PLBD1: variants seen among roughly 807,000 people sequenced by gnomAD.
PLBD1 encodes phospholipase B domain containing 1.
A neutral mutation model predicts 63.0 loss-of-function variants in PLBD1; 60 were observed. The observed-to-expected ratio is 0.95, with a 90% CI of 0.77 to 1.18. The LOEUF (loss-of-function observed/expected upper bound fraction) is 1.18. PLBD1 is among the 50% of genes most tolerant of loss of function. PLBD1 has a pLI of 0.00. For missense variants in PLBD1, 598 were observed against 677.9 expected (o/e 0.88, Z 1.31); for synonymous variants, 262 against 248.0 (o/e 1.06, Z -0.53).
chr12:14,523,469 A>G (rs767253403), intron 6 of PLBD1, among the ~76,000 whole-genome samples: 3 of 133,612 alleles, frequency 2.2e-5, no homozygotes, highest in African/African-American at 5.0e-5. Context: ...TCATAGAAAG[A>G]GAAAAAAATC....
At chr12:14,545,553 T>C (rs1945610624) in intron 2 of PLBD1, among the ~76,000 whole-genome samples, 1 of 152,238 alleles carries the variant, frequency 6.6e-6, no homozygotes, top group African/African-American at 2.4e-5. Context: ...GGACTGAATA[T>C]TTACCTACAG....
chr12:14,531,772 A>C (rs1259817384), intron 6 of PLBD1, among the ~76,000 whole-genome samples: 1 of 152,158 alleles, frequency 6.6e-6, no homozygotes, highest in Non-Finnish European at 1.5e-5. Context: ...CTGGGATTAC[A>C]GGCATGAGCT....
At chr12:14,533,011 T>TTCCCTGG (rs1326270451) in intron 6 of PLBD1, 2 of 152,240 alleles carry the variant, frequency 1.3e-5, no homozygotes, top group African/African-American at 4.8e-5. Context: ...GGGTATTGCA[T>TTCCCTGG]GTTAGCCTCT....
Position 14,516,784 on chromosome 12 carries a change from A to C in PLBD1, c.845-5073T>G, listed in dbSNP as rs1945340355. Among the ~76,000 whole-genome samples, 5 of 152,110 alleles carry C rather than the reference A, an allele frequency of 3.3e-5. No homozygotes were observed. In the South Asian group the frequency reaches 1.0e-3, roughly 31 times the overall value. ...CCAGGCAAGGTGGCTTATGCCTGTA[A>C]TCCCAGTACTTTGGCAGGCAGAGGA... On this transcript the variant is annotated intron_variant, in intron 6 of 10. Transcript: ENST00000240617.
intron 1 of PLBD1, chr12:14,553,624 G>A: frequency 1.7e-6 from 1 of 594,240 alleles, no homozygotes; most frequent in Non-Finnish European, 3.0e-6. Context: ...CAAAGAGCAA[G>A]GTCAAAGGTG....
At chr12:14,552,762 T>C (rs1472188078) in intron 2 of PLBD1, among the ~76,000 whole-genome samples, 1 of 151,990 alleles carries the variant, frequency 6.6e-6, no homozygotes, top group Non-Finnish European at 1.5e-5. Context: ...TAAAACAAAA[T>C]GGTTTCATGG....
rs1414733819 is a variant in PLBD1 at position 14,567,610 on chromosome 12, T to C, written c.87A>G (p.Leu29=). 1.2e-5 allele frequency: 18 copies of C among 1,487,696 alleles called. No individual in the cohort carries two copies. The highest frequency in any genetic ancestry group is 3.9e-4 in the Middle Eastern group (2 of 5,148). The allele number at this position is 1,487,696 out of a possible 1,614,324, so 92.2% of individuals were successfully genotyped here. The change falls in exon 1 of 11, where the codon TTA becomes TTG. Residue 29 remains leucine, a synonymous_variant. Transcript: ENST00000240617. ...CAGGTTTCGGCGGCTCCGCGGTGACTAACAACAGCGGCAGCAGCAGCAGCA... is the reference window on the plus strand; with the variant it reads ...CAGGTTTCGGCGGCTCCGCGGTGACCAACAACAGCGGCAGCAGCAGCAGCA... ...LLLLLLLPLL[L]VTAEPPKPAG...
At chr12:14,559,658 G>T (rs763482193) in intron 1 of PLBD1, among the ~76,000 whole-genome samples, 2 of 152,058 alleles carry the variant, frequency 1.3e-5, no homozygotes, top group Non-Finnish European at 2.9e-5. Context: ...CATTTTAACA[G>T]CAATATCCTC....
chr12:14,504,013 C>T (rs1945227642), intron 10 of PLBD1, 59 bp from the exon 11 acceptor site: 2 of 1,484,848 alleles, frequency 1.3e-6, no homozygotes, highest in East Asian at 2.3e-5. Context: ...AAAATTAAAT[C>T]CATGGCCTTC....
At chr12:14,516,283 C>T (rs1182614842) in intron 6 of PLBD1, among the ~76,000 whole-genome samples, 10 of 152,068 alleles carry the variant, frequency 6.6e-5, no homozygotes, top group Admixed American at 1.3e-4. Context: ...GAGCCGAGAT[C>T]GCGCCATTGC....
rs202168556 is a variant in PLBD1, at chr12:14,511,243, C to T, written c.1186+17G>A. 77 of 1,411,624 alleles carry T rather than the reference C, an allele frequency of 5.5e-5. 2 individuals are homozygous for T. The South Asian group carries it at 7.9e-4, about 15-fold the overall frequency. 87.4% of individuals were successfully genotyped at this position (1,411,624 alleles called of 1,614,324 possible). On this transcript the variant is annotated intron_variant, in intron 8 of 10. Transcript: ENST00000240617. ...CATACTCATCAGGTTTTAAGACTTA[C>T]GACATGAAGAAAGTACCTTTCCGTA...
At position 14,540,852 on chromosome 12, in the gene PLBD1, G is replaced by A. The variant is rs755434364; in HGVS notation, c.470C>T (p.Ser157Leu). 1 of 1,611,126 alleles carries A rather than the reference G, an allele frequency of 6.2e-7. No homozygotes were observed. The highest frequency in any genetic ancestry group is 8.5e-7 in the Non-Finnish European group (1 of 1,177,994). ...CACATAGCCTGTATGTCTCCAAAATGAATCAGTCTTGTATTCTTTGATATT... is the reference window on the plus strand; with the variant it reads ...CACATAGCCTGTATGTCTCCAAAATAAATCAGTCTTGTATTCTTTGATATT... ...RKNIKEYKTD[S>L]FWRHTGYVMA... The change falls in exon 4 of 11, where the codon TCA (serine) becomes TTA (leucine). Residue 157 changes from serine (S) to leucine (L), a missense_variant. By Grantham distance (145) the Ser-to-Leu change is moderately radical. Coordinates refer to ENST00000240617, the MANE Select transcript of PLBD1 (RefSeq NM_024829.6).
intron 6 of PLBD1, 89 bp from the exon 7 acceptor site, chr12:14,511,800 C>G (rs1945300537): frequency 7.8e-7 from 1 of 1,284,550 alleles, no homozygotes; most frequent in African/African-American, 1.5e-5. Context: ...ATACACAATG[C>G]ATTTTGCAAA....
chr12:14,515,606 T>C (rs534387373), intron 6 of PLBD1, among the ~76,000 whole-genome samples: 7 of 152,240 alleles, frequency 4.6e-5, no homozygotes, highest in African/African-American at 1.7e-4. Context: ...AGAGGTAACA[T>C]GACATTAATA....
chr12:14,560,811 G>A (rs1351254325), intron 1 of PLBD1, among the ~76,000 whole-genome samples: 2 of 152,158 alleles, frequency 1.3e-5, no homozygotes, highest in African/African-American at 4.8e-5. Context: ...CTGGGAGAGT[G>A]AAAGGGAGGA....
At chr12:14,509,002 G>A (rs1034595567) in intron 8 of PLBD1, among the ~76,000 whole-genome samples, 9 of 145,044 alleles carry the variant, frequency 6.2e-5, no homozygotes, top group Non-Finnish European at 1.4e-4. Context: ...CCCCGACCCC[G>A]ACGCCCCCGC....
At chr12:14,538,408 G>C (rs1329933859) in intron 4 of PLBD1, among the ~76,000 whole-genome samples, 1 of 152,008 alleles carries the variant, frequency 6.6e-6, no homozygotes, top group Non-Finnish European at 1.5e-5. Context: ...TGGCTAGGCT[G>C]GTCTAGAACT....
intron 10 of PLBD1, among the ~76,000 whole-genome samples, chr12:14,505,955 G>A (rs970984180): frequency 4.1e-4 from 63 of 152,268 alleles, no homozygotes; most frequent in African/African-American, 1.2e-3. Context: ...GAAACATGAC[G>A]GAATTATGTG....
At chr12:14,546,992 C>T (rs186337678) in intron 2 of PLBD1, among the ~76,000 whole-genome samples, 129 of 152,036 alleles carry the variant, frequency 8.5e-4, no homozygotes, top group Non-Finnish European at 1.6e-3. Context: ...GCAATTCTAC[C>T]GCCTTAGCCT....
Sources: allele counts gnomAD v4.1 joint callset (sites outside exome capture counted in the v4.1 genomes callset), GRCh38; gene constraint gnomAD v4.1.1; transcripts MANE v1.5; gene names NCBI Gene and HGNC (gene_info 2026-07-23, HGNC 2026-07-21).